PRKG1: variants seen among roughly 807,000 people sequenced by gnomAD.
PRKG1 encodes cGMP-dependent protein kinase 1.
Under a neutral mutation model 88.1 loss-of-function variants are expected in PRKG1, and 35 were observed. That is an observed-to-expected ratio of 0.40 (90% confidence interval 0.30 to 0.53). The LOEUF (loss-of-function observed/expected upper bound fraction) is 0.53, where lower values mean the gene tolerates loss of function less well. Among genes scored for constraint, PRKG1 ranks in the 20% least tolerant of loss-of-function variants. PRKG1 has a pLI of 0.59. For synonymous variants in PRKG1, 303 were observed against 292.5 expected (o/e 1.04, Z -0.37); for missense variants, 540 against 839.8 (o/e 0.64, Z 4.41).
chr10:51,041,669 C>A (rs915138243), intron 1 of PRKG1, among the ~76,000 whole-genome samples: 2 of 152,094 alleles, frequency 1.3e-5, no homozygotes, highest in Non-Finnish European at 2.9e-5. Context: ...GGTGTCCTGT[C>A]CTACTGTGGC....
At chr10:51,596,068 A>T (rs186607368) in intron 3 of PRKG1, among the ~76,000 whole-genome samples, 1 of 152,150 alleles carries the variant, frequency 6.6e-6, no homozygotes, top group East Asian at 1.9e-4. Flanking sequence ...TGACCTCATG[A>T]TCCACCTGCC....
intron 3 of PRKG1, among the ~76,000 whole-genome samples, chr10:51,579,061 A>T (rs963445983): frequency 5.6e-5 from 8 of 142,746 alleles, no homozygotes; most frequent in African/African-American, 2.1e-4. Context: ...AGCTCACTGC[A>T]ACTTCTGCCT....
chr10:51,530,839 G>A (rs761950640), intron 3 of PRKG1, among the ~76,000 whole-genome samples: 1 of 152,090 alleles, frequency 6.6e-6, no homozygotes, highest in Non-Finnish European at 1.5e-5. Flanking sequence ...TGTTTTTGTT[G>A]AAGATGTTTG....
intron 1 of PRKG1, among the ~76,000 whole-genome samples, chr10:51,122,887 C>G (rs1053906875): frequency 6.6e-6 from 1 of 152,190 alleles, no homozygotes; most frequent in African/African-American, 2.4e-5. Context: ...TGCTCCCTTA[C>G]TAGGTTCAAT....
chr10:51,956,782 G>A (rs12411770), intron 5 of PRKG1, among the ~76,000 whole-genome samples: 15,670 of 151,666 alleles, frequency 0.1, 1,167 homozygotes, highest in East Asian at 0.3. Flanking sequence ...GTACCATGTA[G>A]TTATTTCTCT....
At chr10:51,249,496 A>C (rs1839375599) in intron 2 of PRKG1, among the ~76,000 whole-genome samples, 1 of 151,992 alleles carries the variant, frequency 6.6e-6, no homozygotes, top group South Asian at 2.1e-4. Context: ...TTGGCTATTT[A>C]AAGTAAATTA....
intron 5 of PRKG1, among the ~76,000 whole-genome samples, chr10:51,912,364 A>G (rs1047183931): frequency 6.6e-6 from 1 of 152,176 alleles, no homozygotes; most frequent in Non-Finnish European, 1.5e-5. Context: ...TAGTAAAGTG[A>G]CATAAGCTGA....
At chr10:52,027,806 T>C (rs1845380214) in intron 5 of PRKG1, among the ~76,000 whole-genome samples, 2 of 151,828 alleles carry the variant, frequency 1.3e-5, no homozygotes, top group Admixed American at 6.6e-5. Context: ...ATTATTTATT[T>C]GAGACAGAGT....
intron 5 of PRKG1, among the ~76,000 whole-genome samples, chr10:51,923,816 A>T (rs1842513786): frequency 6.6e-6 from 1 of 151,348 alleles, no homozygotes. Context: ...TTTTGCCTTC[A>T]TTTACTCCTT....
intron 2 of PRKG1, among the ~76,000 whole-genome samples, chr10:51,359,165 A>G (rs995072193): frequency 1.3e-5 from 2 of 151,960 alleles, no homozygotes; most frequent in Non-Finnish European, 2.9e-5. Flanking sequence ...TTCTTATACC[A>G]TTATTCTAAG....
chr10:51,108,956 A>G (rs895641225), intron 1 of PRKG1, among the ~76,000 whole-genome samples: 7 of 152,168 alleles, frequency 4.6e-5, no homozygotes, highest in African/African-American at 1.2e-4. Flanking sequence ...GTATTTCTCT[A>G]TATACACTCA....
At chr10:52,164,531 T>C (rs1462802308) in intron 9 of PRKG1, among the ~76,000 whole-genome samples, 1 of 152,114 alleles carries the variant, frequency 6.6e-6, no homozygotes, top group Non-Finnish European at 1.5e-5. Flanking sequence ...ATACTTTTAC[T>C]TGAGAAGACT....
intron 1 of PRKG1, among the ~76,000 whole-genome samples, chr10:51,068,195 A>G (rs1453967552): frequency 2.6e-5 from 4 of 152,060 alleles, no homozygotes; most frequent in Non-Finnish European, 4.4e-5. Flanking sequence ...CTGGATTTCC[A>G]TCTCATGATG....
intron 3 of PRKG1, among the ~76,000 whole-genome samples, chr10:51,549,036 A>T (rs1290048098): frequency 6.6e-6 from 1 of 151,286 alleles, no homozygotes; most frequent in African/African-American, 2.4e-5. Flanking sequence ...AAGAATAATC[A>T]TGTTATAGGT....
At chr10:51,297,155 G>A (rs1840742451) in intron 2 of PRKG1, among the ~76,000 whole-genome samples, 2 of 152,036 alleles carry the variant, frequency 1.3e-5, no homozygotes, top group African/African-American at 2.4e-5. Context: ...TCTGTTCTGC[G>A]AGCTGTAAGA....
At chr10:51,174,387 G>A (rs9415769) in intron 2 of PRKG1, among the ~76,000 whole-genome samples, 9,986 of 151,834 alleles carry the variant, frequency 0.066, 683 homozygotes, top group African/African-American at 0.17. Context: ...TTTTTAGCAT[G>A]GTAAATCCAA....
chr10:52,103,074 C>A (rs1281538830), intron 7 of PRKG1, among the ~76,000 whole-genome samples: 1 of 152,138 alleles, frequency 6.6e-6, no homozygotes. Context: ...TTGAACTGCA[C>A]ATGCGAGGGA....
rs1838817722 is a variant in PRKG1 at position 52,174,878 on chromosome 10, A to C, written c.1076+12915A>C. On this transcript the variant is annotated intron_variant, in intron 9 of 17. Transcript: ENST00000373980. ...CAATGCATCTTTATTTTTAATTGAT[A>C]TATATAACTGTTCATATGTACGGGG... Among the ~76,000 whole-genome samples the C allele has an allele frequency of 2.0e-5, 3 of 152,024 alleles. No individual in the cohort carries two copies. The South Asian group carries it at 6.2e-4, about 31-fold the overall frequency.
intron 1 of PRKG1, among the ~76,000 whole-genome samples, chr10:51,110,636 A>G (rs925236173): frequency 3.3e-5 from 5 of 152,144 alleles, no homozygotes; most frequent in African/African-American, 1.2e-4. Flanking sequence ...TAGTATAAAC[A>G]TATGCCAAAA....
Sources: allele counts gnomAD v4.1 joint callset (sites outside exome capture counted in the v4.1 genomes callset), GRCh38; gene constraint gnomAD v4.1.1; transcripts MANE v1.5; gene names NCBI Gene and HGNC (gene_info 2026-07-23, HGNC 2026-07-21).